The following INSYN2A variants were observed in gnomAD, a reference collection of about 807,000 sequenced individuals.
The protein encoded by INSYN2A is inhibitory synaptic factor 2A, also known as family with sequence similarity 196 member A.
Under a neutral mutation model 39.4 loss-of-function variants are expected in INSYN2A, and 17 were observed. The ratio of observed to expected loss-of-function variants is 0.43; its 90% CI spans 0.30 to 0.65. The LOEUF is 0.65. Among genes scored for constraint, INSYN2A ranks in the 30% least tolerant of loss-of-function variants. The pLI is 0.14. For missense variants in INSYN2A, 595 were observed against 631.2 expected (o/e 0.94, Z 0.61); for synonymous variants, 255 against 265.7 (o/e 0.96, Z 0.39).
At position 127,135,577 on chromosome 10, in the gene INSYN2A, CT is replaced by C. The variant is rs1350736168; in HGVS notation, c.*2259del. 5 of 152,624 alleles carry C rather than the reference CT, an allele frequency of 3.3e-5. No homozygotes were observed. Among genetic ancestry groups the C allele is most frequent in the African/African-American group, 1.2e-4 (5 of 41,450 alleles). 9.5% of individuals were successfully genotyped at this position (152,624 alleles called of 1,614,324 possible). On this transcript the variant is annotated 3_prime_UTR_variant, in exon 6 of 6. Coordinates refer to ENST00000522781, the MANE Select transcript of INSYN2A (RefSeq NM_001039762.3). ...TTTGTATCAGCGTTTTTACTTGAAT[CT>C]TTCCAAGAGAAGAATCACCATCTGT...
intron 2 of INSYN2A, among the ~76,000 whole-genome samples, chr10:127,190,226 G>A (rs959765730): frequency 1.6e-4 from 25 of 152,290 alleles, no homozygotes; most frequent in African/African-American, 5.8e-4. Flanking sequence ...GAGTTTGGTG[G>A]TAAAGAACCC....
intron 2 of INSYN2A, among the ~76,000 whole-genome samples, chr10:127,189,997 T>G (rs1202345599): frequency 1.3e-5 from 2 of 152,164 alleles, no homozygotes; most frequent in African/African-American, 4.8e-5. Flanking sequence ...AACTCTCCAG[T>G]TTTTTTGGTG....
chr10:127,187,441 C>A (rs2056375304), intron 2 of INSYN2A, among the ~76,000 whole-genome samples: 1 of 152,156 alleles, frequency 6.6e-6, no homozygotes, highest in African/African-American at 2.4e-5. Flanking sequence ...TCCAAAACCT[C>A]ACATGACCCC....
intron 2 of INSYN2A, among the ~76,000 whole-genome samples, chr10:127,180,657 A>G (rs1427290745): frequency 6.6e-6 from 1 of 152,234 alleles, no homozygotes; most frequent in African/African-American, 2.4e-5. Flanking sequence ...AATGGCTGAT[A>G]TGAAAATGTG....
chr10:127,195,547 G>A (rs2057060895), intron 1 of INSYN2A, among the ~76,000 whole-genome samples: 1 of 149,074 alleles, frequency 6.7e-6, no homozygotes, highest in Admixed American at 6.7e-5. Flanking sequence ...TTAATCAGCC[G>A]TACTTGTACT....
chr10:127,156,514 TCTTTA>T (rs778051033), intron 4 of INSYN2A, among the ~76,000 whole-genome samples: 101 of 151,934 alleles, frequency 6.6e-4, no homozygotes, highest in Non-Finnish European at 1.2e-3. Flanking sequence ...TCTTCTCTTT[TCTTTA>T]CTTTTCTTTT....
intron 4 of INSYN2A, among the ~76,000 whole-genome samples, chr10:127,160,442 G>C (rs1387421634): frequency 1.3e-5 from 2 of 152,210 alleles, no homozygotes; most frequent in Non-Finnish European, 2.9e-5. Context: ...GCAGCATGCT[G>C]TGGGCCCCTC....
intron 5 of INSYN2A, among the ~76,000 whole-genome samples, chr10:127,141,633 T>C (rs2051257099): frequency 6.6e-6 from 1 of 151,728 alleles, no homozygotes; most frequent in African/African-American, 2.4e-5. Context: ...ATCGTGCCAC[T>C]GCACTCCACC....
chr10:127,137,786 A>G lies in INSYN2A; in HGVS notation c.*51T>C. The G allele has an allele frequency of 1.3e-6, 2 of 1,522,546 alleles. No individual in the cohort carries two copies. The highest frequency in any genetic ancestry group is 1.8e-6 in the Non-Finnish European group (2 of 1,123,522). 94.3% of individuals were successfully genotyped at this position (1,522,546 alleles called of 1,614,324 possible). ...ATTCATTTTGGAAAAGTATTGACTT[A>G]AACTCCAGTGGGTTCTAAAGACGGC... is the stretch of plus-strand genomic sequence containing the variant. On this transcript the variant is annotated 3_prime_UTR_variant, in exon 6 of 6. Transcript: ENST00000522781.
In INSYN2A at chr10:127,175,065, C is replaced by T; in HGVS notation, c.1184+147G>A. 1.5e-6 allele frequency: 1 copy of T among 683,758 alleles called. No homozygotes were observed. Among genetic ancestry groups the T allele is most frequent in the Non-Finnish European group, 2.6e-6 (1 of 390,032 alleles). The allele number at this position is 683,758 out of a possible 1,614,324, so 42.4% of individuals were successfully genotyped here. On this transcript the variant is annotated intron_variant, in intron 4 of 5. Transcript: ENST00000522781. The surrounding 1 kb of genome is among the most constrained non-coding windows in gnomAD (Gnocchi z 6.3). ...CTAGTATCATAAAATAATCTGCGAC[C>T]CCTTGGAGCTCGCCACGCCCTTAGA...
chr10:127,135,894 A>C lies in INSYN2A; in HGVS notation c.*1943T>G, dbSNP rs189182632. The stretch of plus-strand genomic sequence containing the variant: ...GATTCTTAAAACATAAGGAGAGAGA[A>C]CTTGTTGGAAACATTTTTATAACTT... On this transcript the variant is annotated 3_prime_UTR_variant, in exon 6 of 6. Coordinates refer to ENST00000522781, the MANE Select transcript of INSYN2A (RefSeq NM_001039762.3). 1.3e-5 allele frequency: 2 copies of C among 152,774 alleles called. No homozygotes were observed. Among genetic ancestry groups the C allele is most frequent in the Admixed American group, 1.3e-4 (2 of 15,302 alleles). The allele number at this position is 152,774 out of a possible 1,614,324, so 9.5% of individuals were successfully genotyped here. A position where few individuals can be genotyped will look rare whatever the true frequency, so the allele number is the denominator to read the frequency against.
chr10:127,193,694 C>A (rs2056905046), intron 1 of INSYN2A, among the ~76,000 whole-genome samples: 1 of 152,160 alleles, frequency 6.6e-6, no homozygotes, highest in Non-Finnish European at 1.5e-5. Context: ...AGGAGTCTTC[C>A]TTGTAGATGA....
intron 2 of INSYN2A, among the ~76,000 whole-genome samples, chr10:127,190,157 T>A (rs1240435696): frequency 6.6e-6 from 1 of 152,260 alleles, no homozygotes; most frequent in African/African-American, 2.4e-5. Flanking sequence ...AAAGACATTC[T>A]TTCTCTAAAA....
chr10:127,194,393 T>G (rs2056955571), intron 1 of INSYN2A, among the ~76,000 whole-genome samples: 1 of 152,216 alleles, frequency 6.6e-6, no homozygotes, highest in South Asian at 2.1e-4. Flanking sequence ...TTGTGCATGT[T>G]TGCTAATCAT....
chr10:127,152,122 C>T (rs1328513936), intron 5 of INSYN2A, among the ~76,000 whole-genome samples: 2 of 152,062 alleles, frequency 1.3e-5, no homozygotes, highest in East Asian at 1.9e-4. Context: ...TGCTTGGTTG[C>T]GTTAAAGACG....
At chr10:127,161,218 G>A (rs2053566427) in intron 4 of INSYN2A, among the ~76,000 whole-genome samples, 1 of 152,224 alleles carries the variant, frequency 6.6e-6, no homozygotes, top group Admixed American at 6.5e-5. Context: ...GGAAACGCAA[G>A]TACATTGTCT....
chr10:127,147,855 A>C (rs2052045424), intron 5 of INSYN2A, among the ~76,000 whole-genome samples: 1 of 151,464 alleles, frequency 6.6e-6, no homozygotes, highest in African/African-American at 2.4e-5. Flanking sequence ...ATATGGTGAA[A>C]CCCCATCTCT....
intron 2 of INSYN2A, among the ~76,000 whole-genome samples, chr10:127,177,588 A>G (rs1325770806): frequency 1.3e-5 from 2 of 152,224 alleles, no homozygotes; most frequent in Non-Finnish European, 2.9e-5. Context: ...CCAGAGAGGC[A>G]AGGTCATGGA....
intron 5 of INSYN2A, among the ~76,000 whole-genome samples, chr10:127,144,548 C>T (rs1405390746): frequency 6.6e-6 from 1 of 152,214 alleles, no homozygotes; most frequent in Non-Finnish European, 1.5e-5. Flanking sequence ...CAAATCCCCT[C>T]ACTTCTAATC....
Sources: gnomAD v4.1 joint callset for allele counts (sites outside exome capture counted in the v4.1 genomes callset) on GRCh38, gnomAD v4.1.1 for gene constraint, Gnocchi (gnomAD v3.1) non-coding constraint, MANE v1.5 for transcripts, NCBI Gene and HGNC (gene_info 2026-07-23, HGNC 2026-07-21) for gene names.